ST8SIA6: variants seen among roughly 807,000 people sequenced by gnomAD.
ST8SIA6 encodes ST8 alpha-N-acetyl-neuraminide alpha-2,8-sialyltransferase 6.
ST8SIA6 carries 39 observed loss-of-function variants against 33.6 expected under a neutral mutation model. That is an observed-to-expected ratio of 1.16 (90% confidence interval 0.90 to 1.52). The LOEUF is 1.52. Among genes scored for constraint, ST8SIA6 ranks in the 40% most tolerant of loss-of-function variants. The pLI, the probability that ST8SIA6 is intolerant of heterozygous loss-of-function variation, is 0.00. For missense variants in ST8SIA6, 441 were observed against 443.8 expected (o/e 0.99, Z 0.06); for synonymous variants, 172 against 167.2 (o/e 1.03, Z -0.22).
At chr10:17,390,743 A>T in intron 2 of ST8SIA6, 123 bp from the exon 3 acceptor site, 1 of 650,068 alleles carries the variant, frequency 1.5e-6, no homozygotes, top group Non-Finnish European at 2.5e-6. Flanking sequence ...TTACTCCATT[A>T]TTGGATTTCT....
At chr10:17,328,134 GA>G (rs1413860929) in intron 5 of ST8SIA6, among the ~76,000 whole-genome samples, 1 of 152,078 alleles carries the variant, frequency 6.6e-6, no homozygotes, top group Non-Finnish European at 1.5e-5. Flanking sequence ...GCAAGAAAGA[GA>G]AAATAAAGAA....
chr10:17,370,176 G>T (rs1160544562), intron 3 of ST8SIA6, among the ~76,000 whole-genome samples: 3 of 151,994 alleles, frequency 2.0e-5, no homozygotes, highest in Non-Finnish European at 4.4e-5. Context: ...GTAGAGATGG[G>T]GTTTCACCAT....
chr10:17,320,881 G>A lies in ST8SIA6; in HGVS notation c.1194C>T (p.Ala398=), dbSNP rs1482369166. 1 of 1,613,472 alleles carries A rather than the reference G, an allele frequency of 6.2e-7. No individual in the cohort carries two copies. Among genetic ancestry groups the A allele is most frequent in the East Asian group, 2.2e-5 (1 of 44,894 alleles). The change falls in exon 8 of 8, where the codon GCC becomes GCT. Residue 398 remains alanine (A), a synonymous_variant. Transcript: ENST00000377602. ...LKLQFSKCEV[A] is the part of the protein sequence containing the mutation. ...TTCCCATTTTAAGATACTTTGTTTA[G>A]GCGACTTCACATTTGCTAAATTGCA...
At chr10:17,448,173 C>T (rs1852785710) in intron 2 of ST8SIA6, among the ~76,000 whole-genome samples, 1 of 152,034 alleles carries the variant, frequency 6.6e-6, no homozygotes, top group South Asian at 2.1e-4. Flanking sequence ...AGGAAAAGGA[C>T]CACAGGAAAG....
intron 2 of ST8SIA6, among the ~76,000 whole-genome samples, chr10:17,452,259 G>T (rs955964989): frequency 6.6e-6 from 1 of 152,196 alleles, no homozygotes; most frequent in African/African-American, 2.4e-5. Context: ...GCAGGCAGTG[G>T]TGTTCCTCAA....
intron 2 of ST8SIA6, among the ~76,000 whole-genome samples, chr10:17,427,269 G>A (rs904198018): frequency 2.0e-5 from 3 of 152,160 alleles, no homozygotes; most frequent in Non-Finnish European, 2.9e-5. Flanking sequence ...TCATTAGGAG[G>A]GACTGGGTTT....
At chr10:17,345,646 G>C (rs1848810302) in intron 4 of ST8SIA6, among the ~76,000 whole-genome samples, 1 of 152,184 alleles carries the variant, frequency 6.6e-6, no homozygotes, top group East Asian at 1.9e-4. Context: ...ACTAGGTGGA[G>C]AATGCTGGAG....
chr10:17,440,706 C>T lies in ST8SIA6; in HGVS notation c.200+12853G>A, dbSNP rs536931559. On this transcript the variant is annotated intron_variant, in intron 2 of 7. Transcript: ENST00000377602. ...TGAGTAATAAACCTTTCTGTGATCC[C>T]GCTAAAGAACCACTGTCAGGAGCTT... is the stretch of plus-strand genomic sequence containing the variant. 3.3e-5 allele frequency among the ~76,000 whole-genome samples: 5 copies of T among 152,148 alleles called. No homozygotes were observed. In the East Asian group the frequency reaches 5.8e-4, roughly 18 times the overall value.
At chr10:17,411,170 CTT>C (rs1233773075) in intron 2 of ST8SIA6, among the ~76,000 whole-genome samples, 2 of 139,202 alleles carry the variant, frequency 1.4e-5, no homozygotes, top group Non-Finnish European at 3.1e-5. Flanking sequence ...GACTTGAACT[CTT>C]TGTGTGTGTG....
rs549583410 is a variant in ST8SIA6 at position 17,425,203 on chromosome 10, G to A, written c.200+28356C>T. ...ATTTATTTACATATACACACATCTC[G>A]AGTGGCAGGATACATGTATACCTAT... On this transcript the variant is annotated intron_variant, in intron 2 of 7. Transcript: ENST00000377602. 4.6e-5 allele frequency among the ~76,000 whole-genome samples: 7 copies of A among 152,098 alleles called. No individual in the cohort carries two copies. The South Asian group carries it at 6.2e-4, about 14-fold the overall frequency.
At chr10:17,347,290 G>A (rs1272506257) in intron 4 of ST8SIA6, among the ~76,000 whole-genome samples, 1 of 152,166 alleles carries the variant, frequency 6.6e-6, no homozygotes, top group African/African-American at 2.4e-5. Context: ...AAACATTAGG[G>A]TGTGAGACTT....
chr10:17,415,803 C>CTTTTTTTTTT (rs968920842), intron 2 of ST8SIA6, among the ~76,000 whole-genome samples: 6 of 92,232 alleles, frequency 6.5e-5, no homozygotes, highest in Non-Finnish European at 8.2e-5. Flanking sequence ...CCTCACTTGT[C>CTTTTTTTTTT]TTTTTTTTTT....
At chr10:17,427,248 A>G (rs868246631) in intron 2 of ST8SIA6, among the ~76,000 whole-genome samples, 1 of 152,206 alleles carries the variant, frequency 6.6e-6, no homozygotes, top group Non-Finnish European at 1.5e-5. Flanking sequence ...AGATGTTAGC[A>G]TGTATCAAAG....
chr10:17,374,333 G>A (rs954330976), intron 3 of ST8SIA6, among the ~76,000 whole-genome samples: 1 of 152,092 alleles, frequency 6.6e-6, no homozygotes, highest in African/African-American at 2.4e-5. Context: ...TTGAAGTACA[G>A]AATGATTGTT....
chr10:17,416,872 T>C (rs1036277912), intron 2 of ST8SIA6, among the ~76,000 whole-genome samples: 1 of 152,204 alleles, frequency 6.6e-6, no homozygotes, highest in African/African-American at 2.4e-5. Flanking sequence ...CTTCACTTAT[T>C]ATTAGAATAA....
intron 2 of ST8SIA6, among the ~76,000 whole-genome samples, chr10:17,416,947 T>G (rs1450586974): frequency 6.6e-6 from 1 of 152,216 alleles, no homozygotes; most frequent in Non-Finnish European, 1.5e-5. Flanking sequence ...ATTTCCTCCT[T>G]TGCTCTCTGT....
Position 17,321,050 on chromosome 10 carries a change from C to G in ST8SIA6, c.1025G>C (p.Gly342Ala). 6.2e-7 allele frequency: 1 copy of G among 1,614,050 alleles called. No individual in the cohort carries two copies. Among genetic ancestry groups the G allele is most frequent in the Non-Finnish European group, 8.5e-7 (1 of 1,179,972 alleles). ...VELCKNVKLY[G>A]FWPFSKTVED... ...TACAGTTTTAGAGAAGGGCCAGAAT[C>G]CATACAGCTTCACATTTTTACACAG... Residue 342 changes from glycine (G) to alanine (A), a missense_variant, in exon 8 of 8, where the codon GGA becomes GCA. Physicochemically the swap from Gly to Ala is moderately conservative, Grantham distance 60. Transcript: ENST00000377602.
chr10:17,404,254 A>T (rs78907080), intron 2 of ST8SIA6, among the ~76,000 whole-genome samples: 4,930 of 152,206 alleles, frequency 0.032, 81 homozygotes, highest in South Asian at 0.056. Flanking sequence ...ACACTGGAAG[A>T]TTAAATAACA....
intron 6 of ST8SIA6, among the ~76,000 whole-genome samples, chr10:17,326,371 G>A (rs559231017): frequency 6.6e-5 from 10 of 152,110 alleles, no homozygotes; most frequent in Non-Finnish European, 1.5e-4. Flanking sequence ...ATTACACTGA[G>A]ACAGTGGAGA....
Sources: allele counts gnomAD v4.1 joint callset (sites outside exome capture counted in the v4.1 genomes callset), GRCh38; gene constraint gnomAD v4.1.1; transcripts MANE v1.5; gene names NCBI Gene and HGNC (gene_info 2026-07-23, HGNC 2026-07-21).